Variants in SPRY3 observed in about 807,000 individuals in gnomAD.
SPRY3 encodes the protein protein sprouty homolog 3.
In SPRY3, 15 loss-of-function variants were observed where a neutral mutation model predicts 20.2. The observed-to-expected ratio is 0.74, with a 90% confidence interval of 0.50 to 1.14. The LOEUF is 1.14. SPRY3 is among the 50% of genes most tolerant of loss of function. The pLI is 0.00. For missense variants in SPRY3, 364 were observed against 363.9 expected (o/e 1.00, Z 0.00); for synonymous variants, 143 against 136.5 (o/e 1.05, Z -0.33).
chrX:155,738,968 T>C (rs2091187029), intron 2 of SPRY3, among the ~76,000 whole-genome samples: 1 of 152,114 alleles, frequency 6.6e-6, no homozygotes, highest in Non-Finnish European at 1.5e-5. Flanking sequence ...CACAACCCAC[T>C]GGGTTAGAAT....
intron 2 of SPRY3, among the ~76,000 whole-genome samples, chrX:155,746,768 A>C (rs1260590502): frequency 6.6e-6 from 1 of 151,814 alleles, no homozygotes. Context: ...CAATAAATGA[A>C]CTCCTGCATA....
intron 2 of SPRY3, among the ~76,000 whole-genome samples, chrX:155,736,907 G>A (rs1399806761): frequency 6.6e-6 from 1 of 151,822 alleles, no homozygotes; most frequent in Non-Finnish European, 1.5e-5. Context: ...TCGATTTTCA[G>A]CTTGGGAAGC....
intron 3 of SPRY3, among the ~76,000 whole-genome samples, chrX:155,773,216 C>G (rs1350689702): frequency 2.7e-5 from 4 of 150,042 alleles, no homozygotes; most frequent in African/African-American, 9.8e-5. Flanking sequence ...ATTCTCCTTG[C>G]TTGCCTGTAT....
At chrX:155,661,886 T>A (rs1341103135) in intron 2 of SPRY3, among the ~76,000 whole-genome samples, 4 of 111,944 alleles carry the variant, frequency 3.6e-5, no homozygotes, top group African/African-American at 1.3e-4. Flanking sequence ...CCAGTAGTTC[T>A]GTATGGGTTT....
intron 1 of SPRY3, 200 bp downstream of exon 1, chrX:155,612,847 G>C (rs1374092473): frequency 8.9e-6 from 1 of 112,133 alleles, no homozygotes; most frequent in African/African-American, 3.2e-5. Flanking sequence ...TCCAAGCAAG[G>C]AGAGTCTCGG....
chrX:155,768,794 AT>A (rs2091363651), intron 3 of SPRY3, among the ~76,000 whole-genome samples: 1 of 152,232 alleles, frequency 6.6e-6, no homozygotes, highest in South Asian at 2.1e-4. Flanking sequence ...GCCAATAGGC[AT>A]TTGATAAGAC....
chrX:155,724,132 C>T (rs2091081878), intron 2 of SPRY3, among the ~76,000 whole-genome samples: 1 of 152,032 alleles, frequency 6.6e-6, no homozygotes, highest in Non-Finnish European at 1.5e-5. Context: ...CTGTTCTGTT[C>T]CATTGGTCTA....
At chrX:155,692,195 A>G (rs1376346694) in intron 2 of SPRY3, among the ~76,000 whole-genome samples, 2 of 110,865 alleles carry the variant, frequency 1.8e-5, no homozygotes, top group East Asian at 2.8e-4. Flanking sequence ...TATATTTTAC[A>G]TTTAGCTCCC....
chrX:155,653,091 G>T (rs2067981956), intron 1 of SPRY3, among the ~76,000 whole-genome samples: 1 of 110,635 alleles, frequency 9.0e-6, no homozygotes. Flanking sequence ...TGAGTTGTAG[G>T]AGTTACTCAT....
intron 2 of SPRY3, among the ~76,000 whole-genome samples, chrX:155,760,286 T>C (rs1215225560): frequency 4.6e-5 from 7 of 152,218 alleles, no homozygotes; most frequent in Admixed American, 2.6e-4. Flanking sequence ...GAGGCTTAAG[T>C]AAGTTAACCA....
In SPRY3 at chrX:155,713,284, A is replaced by G. The variant is rs1335714589; in HGVS notation, c.-281-54678A>G. 6.6e-5 allele frequency among the ~76,000 whole-genome samples: 10 copies of G among 152,132 alleles called. No individual in the cohort carries two copies. The South Asian group carries it at 1.5e-3, about 22-fold the overall frequency. ...TACTATTCTGTATTTTTCTGTGTGC[A>G]TACTATTACCAGTGAGTTTTGTACC... On this transcript the variant is annotated intron_variant, in intron 2 of 3. Coordinates refer to ENST00000675360, the Ensembl canonical transcript of SPRY3.
In SPRY3 at chrX:155,689,887, C is replaced by G. The variant is rs938953908; in HGVS notation, c.-282+32862C>G. On this transcript the variant is annotated intron_variant, in intron 2 of 3. Coordinates refer to ENST00000675360, the Ensembl canonical transcript of SPRY3. ...TTGGGGTTGGTTTGCTCTTGGTTCT[C>G]TAGTTCATTTCGTTGTGATGTTAGT... is the stretch of plus-strand genomic sequence containing the variant. Among the ~76,000 whole-genome samples the G allele has an allele frequency of 4.6e-5, 4 of 86,950 alleles. 1 individual carries two copies. The highest frequency in any genetic ancestry group is 2.2e-4 in the African/African-American group (4 of 17,992). 75.5% of individuals were successfully genotyped at this position (86,950 alleles called of 115,157 possible).
At chrX:155,659,601 A>C (rs1380034718) in intron 2 of SPRY3, among the ~76,000 whole-genome samples, 1 of 111,130 alleles carries the variant, frequency 9.0e-6, no homozygotes, top group Non-Finnish European at 1.9e-5. Context: ...TTTGGAAACT[A>C]TTTCAGTAAG....
At chrX:155,643,774 C>T (rs782492456) in intron 1 of SPRY3, among the ~76,000 whole-genome samples, 3 of 111,750 alleles carry the variant, frequency 2.7e-5, no homozygotes, top group Non-Finnish European at 5.6e-5. Context: ...ACTTTATTCC[C>T]CTGCTTTTAA....
intron 3 of SPRY3, among the ~76,000 whole-genome samples, chrX:155,771,616 C>A (rs1391091396): frequency 6.6e-6 from 1 of 152,106 alleles, no homozygotes; most frequent in Non-Finnish European, 1.5e-5. Flanking sequence ...TCAAAAGACT[C>A]CTCCCAGTCC....
chrX:155,774,860 C>T, exon 4 of SPRY3: 1 of 1,164,718 alleles, frequency 8.6e-7, no homozygotes, highest in East Asian at 2.4e-5. Context: ...CTCTTTTGTT[C>T]CTGCAGTGTC....
intron 2 of SPRY3, among the ~76,000 whole-genome samples, chrX:155,698,923 G>A (rs187297031): frequency 1.8e-5 from 2 of 111,431 alleles, no homozygotes; most frequent in East Asian, 5.7e-4. Flanking sequence ...CCTAATAAGT[G>A]GTATCCACAT....
Position 155,691,955 on chromosome X carries a change from G to A in SPRY3, c.-282+34930G>A, listed in dbSNP as rs963400282. 8.1e-5 allele frequency among the ~76,000 whole-genome samples: 7 copies of A among 86,483 alleles called. 3 individuals are homozygous for A. In the East Asian group the frequency reaches 2.4e-3, roughly 29 times the overall value. 75.1% of individuals were successfully genotyped at this position (86,483 alleles called of 115,157 possible). A position where few individuals can be genotyped will look rare whatever the true frequency, so the allele number is the denominator to read the frequency against. ...TGCCCAGGCTAGCCTCAAACTCCTG[G>A]GCTCAAGCAATCTTCCCACATCAAC... On this transcript the variant is annotated intron_variant, in intron 2 of 3. Transcript: ENST00000675360.
intron 2 of SPRY3, among the ~76,000 whole-genome samples, chrX:155,736,588 C>T (rs1329502424): frequency 6.6e-6 from 1 of 151,852 alleles, no homozygotes; most frequent in African/African-American, 2.4e-5. Context: ...AAGATGTTTT[C>T]CCCCTCTGGC....
Sources: allele counts gnomAD v4.1 joint callset (sites outside exome capture counted in the v4.1 genomes callset), GRCh38; gene constraint gnomAD v4.1.1; transcripts MANE v1.5; gene names NCBI Gene and HGNC (gene_info 2026-07-23, HGNC 2026-07-21).